SOX5: variants seen among roughly 807,000 people sequenced by gnomAD.
The protein encoded by SOX5 is SRY-box transcription factor 5, also known as transcription factor SOX-5.
A neutral mutation model predicts 92.0 loss-of-function variants in SOX5; 9 were observed. The ratio of observed to expected loss-of-function variants is 0.10; its 90% confidence interval spans 0.06 to 0.17. The LOEUF (loss-of-function observed/expected upper bound fraction) is 0.17. Ranked by LOEUF, SOX5 falls within the 10% of genes least tolerant of loss-of-function variation. The pLI, the probability that SOX5 is intolerant of heterozygous loss-of-function variation, is 1.00. For missense variants in SOX5, 642 were observed against 944.5 expected (o/e 0.68, Z 4.20); for synonymous variants, 344 against 336.3 (o/e 1.02, Z -0.25).
chr12:23,681,610 G>A (rs1388734034), intron 6 of SOX5, among the ~76,000 whole-genome samples: 2 of 151,616 alleles, frequency 1.3e-5, no homozygotes. Flanking sequence ...ATTAGAATTA[G>A]ACAAAATAGA....
At chr12:23,996,504 A>G (rs887282502) in intron 4 of SOX5, among the ~76,000 whole-genome samples, 1 of 152,212 alleles carries the variant, frequency 6.6e-6, no homozygotes, top group Admixed American at 6.5e-5. Flanking sequence ...ATACTTGGAC[A>G]TTAAGTGTTC....
chr12:23,691,764 C>T (rs2088860226), intron 6 of SOX5, among the ~76,000 whole-genome samples: 1 of 152,038 alleles, frequency 6.6e-6, no homozygotes, highest in Non-Finnish European at 1.5e-5. Context: ...GCAAATCTCA[C>T]AAAAGATCTG....
chr12:24,546,034 T>C (rs2138871621), intron 1 of SOX5, among the ~76,000 whole-genome samples: 1 of 152,316 alleles, frequency 6.6e-6, no homozygotes, highest in Non-Finnish European at 1.5e-5. Context: ...AATCTACATG[T>C]CACAGTAGGT....
At chr12:23,557,565 G>A (rs1945399839) in intron 11 of SOX5, among the ~76,000 whole-genome samples, 1 of 152,192 alleles carries the variant, frequency 6.6e-6, no homozygotes, top group Non-Finnish European at 1.5e-5. Context: ...GTCTTAACAT[G>A]TATACGGTGT....
chr12:24,388,577 T>C (rs1958660414), intron 1 of SOX5, among the ~76,000 whole-genome samples: 1 of 152,174 alleles, frequency 6.6e-6, no homozygotes, highest in African/African-American at 2.4e-5. Flanking sequence ...CCAATCCTCA[T>C]TCTCCTTGGT....
chr12:23,625,059 G>A (rs1002953212), intron 8 of SOX5, among the ~76,000 whole-genome samples: 1 of 152,200 alleles, frequency 6.6e-6, no homozygotes, highest in African/African-American at 2.4e-5. Context: ...GTGTGCAGGA[G>A]AGCAGGTAGT....
At chr12:24,260,213 G>C (rs142582300) in intron 3 of SOX5, among the ~76,000 whole-genome samples, 1 of 152,144 alleles carries the variant, frequency 6.6e-6, no homozygotes, top group Non-Finnish European at 1.5e-5. Flanking sequence ...ATGAAGCATC[G>C]TTTTCACTGA....
At chr12:24,144,182 G>C (rs1469102561) in intron 4 of SOX5, among the ~76,000 whole-genome samples, 1 of 151,732 alleles carries the variant, frequency 6.6e-6, no homozygotes, top group East Asian at 1.9e-4. Context: ...GCAAAATCTT[G>C]AAAGTTCTGA....
At chr12:24,405,308 T>C (rs58462463) in intron 1 of SOX5, among the ~76,000 whole-genome samples, 10,662 of 152,190 alleles carry the variant, frequency 0.07, 1,280 homozygotes, top group African/African-American at 0.24. Flanking sequence ...GGGTATACTA[T>C]TTGAAGTATT....
chr12:24,552,006 A>C (rs1953229624), intron 1 of SOX5, among the ~76,000 whole-genome samples: 1 of 152,176 alleles, frequency 6.6e-6, no homozygotes, highest in South Asian at 2.1e-4. Context: ...CTGTCTACTT[A>C]GTCTCCTTCA....
intron 2 of SOX5, among the ~76,000 whole-genome samples, chr12:24,346,877 G>T (rs768590331): frequency 6.6e-6 from 1 of 151,996 alleles, no homozygotes; most frequent in African/African-American, 2.4e-5. Flanking sequence ...AGGGCCTGTC[G>T]TGGGGTGGGG....
chr12:24,295,451 G>A (rs1163997685), intron 2 of SOX5, among the ~76,000 whole-genome samples: 1 of 152,220 alleles, frequency 6.6e-6, no homozygotes, highest in East Asian at 1.9e-4. Flanking sequence ...TGCATGCACT[G>A]TGGACGGAAG....
At chr12:24,352,416 A>T (rs1954199477) in intron 2 of SOX5, among the ~76,000 whole-genome samples, 1 of 152,180 alleles carries the variant, frequency 6.6e-6, no homozygotes. Flanking sequence ...CAGTGGAGTC[A>T]CAACAGCGGG....
At chr12:24,111,033 A>T (rs1366882469) in intron 4 of SOX5, among the ~76,000 whole-genome samples, 2 of 151,332 alleles carry the variant, frequency 1.3e-5, no homozygotes, top group Non-Finnish European at 2.9e-5. Context: ...ACATGTCTTT[A>T]CTGTGGGAGA....
intron 1 of SOX5, among the ~76,000 whole-genome samples, chr12:23,912,456 A>G (rs1334126306): frequency 2.0e-5 from 3 of 152,198 alleles, no homozygotes; most frequent in African/African-American, 7.2e-5. Context: ...CTAAAGAGTT[A>G]CCATATGACC....
At chr12:24,425,874 A>G (rs1043184582) in intron 1 of SOX5, among the ~76,000 whole-genome samples, 5 of 152,342 alleles carry the variant, frequency 3.3e-5, no homozygotes, top group African/African-American at 1.2e-4. Flanking sequence ...CCAAACATTT[A>G]CTGAAGAGTT....
chr12:24,389,877 C>G (rs1363248868), intron 1 of SOX5, among the ~76,000 whole-genome samples: 1 of 152,122 alleles, frequency 6.6e-6, no homozygotes, highest in African/African-American at 2.4e-5. Context: ...ATATCATCAC[C>G]AAGACTTGTT....
chr12:23,906,396 G>A (rs1399588963), intron 1 of SOX5, among the ~76,000 whole-genome samples: 3 of 152,234 alleles, frequency 2.0e-5, no homozygotes, highest in African/African-American at 7.2e-5. Context: ...TAAGTCCACA[G>A]GATGTGGAGG....
intron 6 of SOX5, among the ~76,000 whole-genome samples, chr12:23,672,404 T>C (rs1302359887): frequency 6.6e-6 from 1 of 152,130 alleles, no homozygotes; most frequent in Non-Finnish European, 1.5e-5. Context: ...GCCTGTCACA[T>C]TTTCTTTTTC....
Sources: gnomAD v4.1 joint callset for allele counts (sites outside exome capture counted in the v4.1 genomes callset) on GRCh38, gnomAD v4.1.1 for gene constraint, MANE v1.5 for transcripts, NCBI Gene and HGNC (gene_info 2026-07-23, HGNC 2026-07-21) for gene names.